FGF12: variants seen among roughly 807,000 people sequenced by gnomAD.
The protein encoded by FGF12 is fibroblast growth factor 12B.
In FGF12, 14 loss-of-function variants were observed where a neutral mutation model predicts 23.6. The ratio of observed to expected loss-of-function variants is 0.59; its 90% CI spans 0.39 to 0.93. The LOEUF (loss-of-function observed/expected upper bound fraction) is 0.93, where lower values mean the gene tolerates loss of function less well. FGF12 is among the 40% of genes least tolerant of loss of function. FGF12 has a pLI of 0.00. For missense variants in FGF12, 175 were observed against 217.8 expected (o/e 0.80, Z 1.24); for synonymous variants, 62 against 77.3 (o/e 0.80, Z 1.04).
chr3:192,284,510 A>C (rs922294187), intron 4 of FGF12, among the ~76,000 whole-genome samples: 8 of 152,088 alleles, frequency 5.3e-5, no homozygotes, highest in African/African-American at 1.9e-4. Context: ...AGCTAAATGC[A>C]GGATATGGGG....
Position 192,434,559 on chromosome 3 carries a change from A to G in FGF12, c.14-74021T>C, listed in dbSNP as rs11915785. 3.1e-3 allele frequency among the ~76,000 whole-genome samples: 467 copies of G among 151,972 alleles called. 3 individuals carry two copies. The highest frequency in any genetic ancestry group is 0.011 in the African/African-American group (450 of 41,438). On this transcript the variant is annotated intron_variant, in intron 2 of 5. Coordinates refer to ENST00000445105, the MANE Select transcript of FGF12 (RefSeq NM_004113.6). ...GGTATACATGTATGTGTGTGTGTGC[A>G]TGTGTATGTACCTGGCAGAGAGGAA...
intron 2 of FGF12, among the ~76,000 whole-genome samples, chr3:192,407,032 T>C (rs573301009): frequency 1.3e-5 from 2 of 152,244 alleles, no homozygotes; most frequent in African/African-American, 4.8e-5. Context: ...AAACCAACAG[T>C]CTGATGGAAG....
intron 4 of FGF12, chr3:192,244,922 G>A (rs1231905500): frequency 6.6e-6 from 1 of 152,058 alleles, no homozygotes; most frequent in Non-Finnish European, 1.5e-5. Flanking sequence ...ATACAGACTG[G>A]GGATTCTATC....
intron 5 of FGF12, among the ~76,000 whole-genome samples, chr3:192,168,060 T>C (rs112745926): frequency 0.078 from 11,777 of 151,786 alleles, 581 homozygotes; most frequent in African/African-American, 0.14. Context: ...CCACCAAGCC[T>C]GGCCTAGGTG....
intron 3 of FGF12, among the ~76,000 whole-genome samples, chr3:192,348,954 G>C (rs1280023455): frequency 6.6e-6 from 1 of 152,082 alleles, no homozygotes; most frequent in Non-Finnish European, 1.5e-5. Context: ...ACTATTATCT[G>C]ATATGTCCCC....
At position 192,152,404 on chromosome 3, in the gene FGF12, T is replaced by G. The variant is rs1454766233; in HGVS notation, c.428-8277A>C. 8.7e-5 allele frequency among the ~76,000 whole-genome samples: 9 copies of G among 102,912 alleles called. No individual in the cohort carries two copies. The Admixed American group carries it at 9.6e-4, about 11-fold the overall frequency. 67.5% of individuals were successfully genotyped at this position (102,912 alleles called of 152,430 possible). A position where few individuals can be genotyped will look rare whatever the true frequency, so the allele number is the denominator to read the frequency against. ...TTTTCTAGTTCTTTTAATTGTGATG[T>G]TAGGGTGTCAATTTTGGATCTTTCC... is the stretch of plus-strand genomic sequence containing the variant. On this transcript the variant is annotated intron_variant, in intron 5 of 5. Transcript: ENST00000445105.
chr3:192,242,212 G>T (rs1437417335), intron 4 of FGF12, among the ~76,000 whole-genome samples: 1 of 152,120 alleles, frequency 6.6e-6, no homozygotes, highest in Non-Finnish European at 1.5e-5. Flanking sequence ...AAATACAAAA[G>T]TAGGTTCTTT....
At chr3:192,598,186 C>T (rs1341013478) in intron 2 of FGF12, among the ~76,000 whole-genome samples, 1 of 152,194 alleles carries the variant, frequency 6.6e-6, no homozygotes, top group Non-Finnish European at 1.5e-5. Context: ...ACTGGTATAA[C>T]AGAACTCTAC....
At chr3:192,704,484 C>T (rs1718403547) in intron 2 of FGF12, among the ~76,000 whole-genome samples, 1 of 152,146 alleles carries the variant, frequency 6.6e-6, no homozygotes, top group South Asian at 2.1e-4. Context: ...TTAAAATATT[C>T]AGTAAGCCAT....
intron 5 of FGF12, among the ~76,000 whole-genome samples, chr3:192,156,286 C>T (rs1302279831): frequency 1.3e-5 from 2 of 152,142 alleles, no homozygotes; most frequent in Non-Finnish European, 2.9e-5. Context: ...GATTCAGTGG[C>T]ACTTCTCATA....
At chr3:192,145,759 A>G (rs1713661032) in intron 5 of FGF12, among the ~76,000 whole-genome samples, 1 of 152,228 alleles carries the variant, frequency 6.6e-6, no homozygotes. Flanking sequence ...TACAGAGGAA[A>G]CCAGCTCAGA....
chr3:192,295,339 T>A (rs1444747120), intron 4 of FGF12, among the ~76,000 whole-genome samples: 1 of 152,232 alleles, frequency 6.6e-6, no homozygotes, highest in African/African-American at 2.4e-5. Flanking sequence ...TAGGTCATCA[T>A]GACCTTTGAA....
Position 192,464,499 on chromosome 3 carries a change from GGTGTGTGTGTGTGT to G in FGF12, c.14-103975_14-103962del, listed in dbSNP as rs34803297. On this transcript the variant is annotated intron_variant, in intron 2 of 5. Transcript: ENST00000445105. ...TTTTTAGGGCTGAGTAGTATTCCAT[GGTGTGTGTGTGTGT>G]GTGTGTGTGTGTGTGTGTGTGTGTG... Among the ~76,000 whole-genome samples, 1,050 of 132,678 alleles carry G rather than the reference GGTGTGTGTGTGTGT, an allele frequency of 7.9e-3. 7 individuals are homozygous for G. The highest frequency in any genetic ancestry group is 0.017 in the African/African-American group (612 of 35,816). 87.0% of individuals were successfully genotyped at this position (132,678 alleles called of 152,430 possible).
At chr3:192,601,051 T>C (rs1023450979) in intron 2 of FGF12, among the ~76,000 whole-genome samples, 3 of 152,098 alleles carry the variant, frequency 2.0e-5, no homozygotes, top group African/African-American at 7.2e-5. Flanking sequence ...TCAATCTAGG[T>C]GTCCAACAAC....
chr3:192,707,916 G>A (rs1316998788), intron 2 of FGF12, among the ~76,000 whole-genome samples: 1 of 151,924 alleles, frequency 6.6e-6, no homozygotes, highest in Non-Finnish European at 1.5e-5. Context: ...ATGGACAACA[G>A]GAAGTTCAGT....
At chr3:192,516,568 G>A (rs1391566878) in intron 2 of FGF12, 1 of 152,182 alleles carries the variant, frequency 6.6e-6, no homozygotes. Context: ...TTTTCTCTCA[G>A]AGGTGATGGA....
intron 2 of FGF12, among the ~76,000 whole-genome samples, chr3:192,363,692 A>C (rs761531864): frequency 8.5e-5 from 13 of 152,162 alleles, no homozygotes; most frequent in Non-Finnish European, 1.3e-4. Flanking sequence ...GGTTCAGCTC[A>C]ACATCACCTT....
chr3:192,297,105 A>G (rs964411596), intron 4 of FGF12, among the ~76,000 whole-genome samples: 2 of 152,232 alleles, frequency 1.3e-5, no homozygotes, highest in African/African-American at 4.8e-5. Flanking sequence ...GTTGTGAAGA[A>G]CAATAAAAGT....
intron 3 of FGF12, among the ~76,000 whole-genome samples, chr3:192,355,004 C>G (rs1355284951): frequency 6.6e-6 from 1 of 152,138 alleles, no homozygotes; most frequent in Non-Finnish European, 1.5e-5. Flanking sequence ...GCCACTGCAA[C>G]CAACTAAAAC....
Sources: gnomAD v4.1 joint callset for allele counts (sites outside exome capture counted in the v4.1 genomes callset) on GRCh38, gnomAD v4.1.1 for gene constraint, MANE v1.5 for transcripts, NCBI Gene and HGNC (gene_info 2026-07-23, HGNC 2026-07-21) for gene names.